The following HAO1 variants were observed in gnomAD, a reference collection of about 807,000 sequenced individuals.
HAO1 encodes the protein 2-Hydroxyacid oxidase 1.
HAO1 carries 34 observed loss-of-function variants against 39.7 expected under a neutral mutation model. The ratio of observed to expected loss-of-function variants is 0.86; its 90% CI spans 0.65 to 1.14. The LOEUF (loss-of-function observed/expected upper bound fraction) is 1.14. HAO1 is among the 50% of genes most tolerant of loss of function. The pLI is 0.00. For missense variants in HAO1, 479 were observed against 464.5 expected, an observed-to-expected ratio of 1.03 and a Z score of -0.29; for synonymous variants, 172 against 173.2, an observed-to-expected ratio of 0.99 and a Z score of 0.05.
intron 4 of HAO1, among the ~76,000 whole-genome samples, 187 bp from the exon 5 acceptor site, chr20:7,895,411 CA>C (rs2050192447): frequency 6.6e-6 from 1 of 150,986 alleles, no homozygotes; most frequent in Non-Finnish European, 1.5e-5. Context: ...TGGCCAAAAA[CA>C]ACAAAAAAAT....
In HAO1 at chr20:7,883,475, G is replaced by T; in HGVS notation, c.*118C>A. On this transcript the variant is annotated 3_prime_UTR_variant, in exon 8 of 8. Coordinates refer to ENST00000378789, the MANE Select transcript of HAO1 (RefSeq NM_017545.3). Reference sequence around the variant, plus strand: ...GATTGCTATTTTGTTGGAAAAGAACGACACCCTTTGTATTGAAGTGGGGAA... The same window carrying T: ...GATTGCTATTTTGTTGGAAAAGAACTACACCCTTTGTATTGAAGTGGGGAA... 2.6e-6 allele frequency: 2 copies of T among 768,778 alleles called. No individual in the cohort carries two copies. Among genetic ancestry groups the T allele is most frequent in the South Asian group, 1.5e-5 (1 of 67,366 alleles). The allele number at this position is 768,778 out of a possible 1,614,324, so 47.6% of individuals were successfully genotyped here.
At chr20:7,901,761 GA>G (rs1660554718) in intron 4 of HAO1, among the ~76,000 whole-genome samples, 1 of 152,078 alleles carries the variant, frequency 6.6e-6, no homozygotes, top group Non-Finnish European at 1.5e-5. Flanking sequence ...TGATGAATAA[GA>G]GCAAAATAAA....
chr20:7,909,377 A>ATATATATATATATATATG (rs549998637), intron 3 of HAO1, among the ~76,000 whole-genome samples: 8 of 100,114 alleles, frequency 8.0e-5, no homozygotes, highest in African/African-American at 4.2e-4. Flanking sequence ...ATATATATAT[A>ATATATATATATATATATG]TGTATATATA....
chr20:7,885,680 A>G (rs2050147629), intron 6 of HAO1, 26 bp downstream of exon 6: 1 of 1,594,382 alleles, frequency 6.3e-7, no homozygotes, highest in Non-Finnish European at 8.6e-7. Context: ...TGTCTATTTT[A>G]TATATTCATT....
intron 5 of HAO1, among the ~76,000 whole-genome samples, chr20:7,892,906 A>C (rs1416728938): frequency 6.6e-6 from 1 of 152,178 alleles, no homozygotes; most frequent in Non-Finnish European, 1.5e-5. Context: ...GAAAGGTTTA[A>C]ATTTTAAAAG....
intron 4 of HAO1, among the ~76,000 whole-genome samples, chr20:7,900,504 C>T (rs535038657): frequency 1.3e-5 from 2 of 152,244 alleles, no homozygotes; most frequent in East Asian, 3.9e-4. Context: ...CTATTTCAAA[C>T]TTTTTCATTG....
At chr20:7,884,313 T>A (rs1162905191) in intron 7 of HAO1, among the ~76,000 whole-genome samples, 5 of 152,174 alleles carry the variant, frequency 3.3e-5, no homozygotes, top group Non-Finnish European at 7.3e-5. Flanking sequence ...GCCTCATGTA[T>A]CTTATGTTCT....
intron 3 of HAO1, among the ~76,000 whole-genome samples, chr20:7,911,998 A>T (rs1007767175): frequency 2.0e-4 from 31 of 152,218 alleles, no homozygotes; most frequent in Non-Finnish European, 2.9e-5. Context: ...CCTACTCCGA[A>T]GTCCACTAGG....
At chr20:7,909,368 T>TAC (rs1372165941) in intron 3 of HAO1, among the ~76,000 whole-genome samples, 1 of 97,788 alleles carries the variant, frequency 1.0e-5, no homozygotes, top group African/African-American at 6.1e-5. Context: ...GACATATATA[T>TAC]ATATATATAT....
At chr20:7,900,593 G>A (rs557862334) in intron 4 of HAO1, among the ~76,000 whole-genome samples, 8 of 152,028 alleles carry the variant, frequency 5.3e-5, no homozygotes, top group African/African-American at 9.7e-5. Flanking sequence ...ATGAACCATC[G>A]CCTTTAAAAT....
At chr20:7,885,675 A>G (rs1181813427) in intron 6 of HAO1, 31 bp downstream of exon 6, 1 of 1,591,618 alleles carries the variant, frequency 6.3e-7, no homozygotes, top group African/African-American at 1.3e-5. Context: ...CAAGTTGTCT[A>G]TTTTATATAT....
chr20:7,915,813 A>G (rs2050304334), intron 2 of HAO1, among the ~76,000 whole-genome samples: 1 of 152,228 alleles, frequency 6.6e-6, no homozygotes. Context: ...ATGATATCAA[A>G]TTTGTACAAT....
intron 2 of HAO1, among the ~76,000 whole-genome samples, chr20:7,932,265 A>G (rs1835117189): frequency 6.6e-6 from 1 of 152,172 alleles, no homozygotes; most frequent in African/African-American, 2.4e-5. Flanking sequence ...TCCTTAATAA[A>G]TTACCCAGTC....
At chr20:7,889,654 G>A (rs2050165052) in intron 5 of HAO1, among the ~76,000 whole-genome samples, 2 of 152,168 alleles carry the variant, frequency 1.3e-5, no homozygotes, top group African/African-American at 2.4e-5. Context: ...GTGACAGTAA[G>A]TATTTCTCCA....
chr20:7,914,533 T>G, intron 2 of HAO1, 114 bp from the exon 3 acceptor site: 4 of 1,080,768 alleles, frequency 3.7e-6, no homozygotes, highest in Non-Finnish European at 5.3e-6. Context: ...CAATATGAAG[T>G]CAAATCTCTT....
At chr20:7,927,534 T>A (rs1162755455) in intron 2 of HAO1, among the ~76,000 whole-genome samples, 1 of 152,160 alleles carries the variant, frequency 6.6e-6, no homozygotes, top group Non-Finnish European at 1.5e-5. Flanking sequence ...CGTAACACAG[T>A]GCATGAAAAA....
intron 1 of HAO1, among the ~76,000 whole-genome samples, chr20:7,937,930 C>T (rs908085920): frequency 6.6e-6 from 1 of 152,168 alleles, no homozygotes; most frequent in African/African-American, 2.4e-5. Context: ...CAAGCAACTG[C>T]TGGGTCACAT....
intron 1 of HAO1, among the ~76,000 whole-genome samples, chr20:7,938,847 CTAGT>C (rs2050426213): frequency 6.6e-6 from 1 of 152,044 alleles, no homozygotes; most frequent in South Asian, 2.1e-4. Flanking sequence ...CTAATTAGCT[CTAGT>C]TAATTAGCTA....
chr20:7,903,373 T>A (rs962933048), intron 4 of HAO1, among the ~76,000 whole-genome samples: 1 of 151,992 alleles, frequency 6.6e-6, no homozygotes, highest in African/African-American at 2.4e-5. Flanking sequence ...ATTTGGGCTA[T>A]CTACTATGTG....
Sources: allele counts gnomAD v4.1 joint callset (sites outside exome capture counted in the v4.1 genomes callset), GRCh38; gene constraint gnomAD v4.1.1; transcripts MANE v1.5; gene names NCBI Gene and HGNC (gene_info 2026-07-23, HGNC 2026-07-21).